The following ARHGAP24 variants were observed in gnomAD, a reference collection of about 807,000 sequenced individuals.
ARHGAP24 encodes the protein Rho GTPase activating protein 24, also known as rho GTPase-activating protein 24.
Under a neutral mutation model 76.4 loss-of-function variants are expected in ARHGAP24, and 50 were observed. That is an observed-to-expected ratio of 0.65 (90% CI 0.52 to 0.83). The LOEUF is 0.83. ARHGAP24 is among the 40% of genes least tolerant of loss of function. The pLI is 0.00. For synonymous variants in ARHGAP24, 345 were observed against 323.3 expected (o/e 1.07, Z -0.72); for missense variants, 930 against 914.2 (o/e 1.02, Z -0.22).
rs975018159 is a variant in ARHGAP24 at position 85,838,798 on chromosome 4, C to T, written c.269-84850C>T. Among the ~76,000 whole-genome samples, 20 of 151,838 alleles carry T rather than the reference C, an allele frequency of 1.3e-4. 1 individual carries two copies. The highest frequency in any genetic ancestry group is 4.4e-4 in the African/African-American group (18 of 41,316). Reference sequence around the variant, plus strand: ...ACCTTCCCTCCCCCACTAAGTCCATCCCTCCCTCCCCCAAGCTAACTTTGC... The same window carrying T: ...ACCTTCCCTCCCCCACTAAGTCCATTCCTCCCTCCCCCAAGCTAACTTTGC... On this transcript the variant is annotated intron_variant, in intron 3 of 9. Coordinates refer to ENST00000395184, the MANE Select transcript of ARHGAP24 (RefSeq NM_001025616.3).
intron 4 of ARHGAP24, among the ~76,000 whole-genome samples, chr4:85,940,263 TG>T (rs1346709086): frequency 6.6e-6 from 1 of 152,112 alleles, no homozygotes; most frequent in Non-Finnish European, 1.5e-5. Context: ...CTGCCAGTTT[TG>T]GATCAGTAGT....
intron 3 of ARHGAP24, among the ~76,000 whole-genome samples, chr4:85,783,463 C>A (rs956964336): frequency 2.0e-5 from 3 of 151,666 alleles, no homozygotes; most frequent in Non-Finnish European, 1.5e-5. Context: ...TTAGTGAGTC[C>A]TGATCACTTT....
chr4:85,896,392 A>T (rs1293253715), intron 3 of ARHGAP24, among the ~76,000 whole-genome samples: 1 of 152,186 alleles, frequency 6.6e-6, no homozygotes, highest in Non-Finnish European at 1.5e-5. Flanking sequence ...ATCCTACCAA[A>T]AAAACAATAC....
chr4:85,622,969 T>C (rs1405323908), intron 2 of ARHGAP24, among the ~76,000 whole-genome samples: 3 of 152,082 alleles, frequency 2.0e-5, no homozygotes, highest in Non-Finnish European at 4.4e-5. Context: ...GTAAATTTGT[T>C]TGAGTTCATT....
chr4:85,923,883 A>G (rs1735873813), intron 4 of ARHGAP24, 113 bp downstream of exon 4: 1 of 1,469,576 alleles, frequency 6.8e-7, no homozygotes, highest in African/African-American at 1.4e-5. Flanking sequence ...GAATGTTAAA[A>G]TAAATTGTAA....
chr4:85,498,075 C>T (rs2110097485), intron 1 of ARHGAP24, among the ~76,000 whole-genome samples: 1 of 152,226 alleles, frequency 6.6e-6, no homozygotes, highest in South Asian at 2.1e-4. Context: ...AAAATAAATG[C>T]ACAAGCTAAT....
chr4:85,701,151 A>G (rs1368115304), intron 2 of ARHGAP24, among the ~76,000 whole-genome samples: 1 of 152,032 alleles, frequency 6.6e-6, no homozygotes, highest in Non-Finnish European at 1.5e-5. Flanking sequence ...ACCACTTGCT[A>G]TTATCTCTCC....
At position 85,476,266 on chromosome 4, in the gene ARHGAP24, G is replaced by A. The variant is rs116481636; in HGVS notation, c.-21+707G>A. 2.9e-3 allele frequency among the ~76,000 whole-genome samples: 442 copies of A among 152,068 alleles called. 2 individuals are homozygous for A. Among genetic ancestry groups the A allele is most frequent in the African/African-American group, 0.01 (419 of 41,516 alleles). ...CATTTATTTTATACGTACCCAAATA[G>A]AAGGGAGACAATGTTACTCTGAATT... On this transcript the variant is annotated intron_variant, in intron 1 of 9. Coordinates refer to ENST00000395184, the MANE Select transcript of ARHGAP24 (RefSeq NM_001025616.3).
chr4:85,485,570 C>T (rs889137204), intron 1 of ARHGAP24, among the ~76,000 whole-genome samples: 2 of 150,950 alleles, frequency 1.3e-5, no homozygotes, highest in African/African-American at 4.9e-5. Context: ...GGACTCTAAT[C>T]CTACCTCTGG....
chr4:85,954,951 G>A (rs957703779), intron 5 of ARHGAP24, among the ~76,000 whole-genome samples: 1 of 152,212 alleles, frequency 6.6e-6, no homozygotes, highest in African/African-American at 2.4e-5. Context: ...CGGAGGTTGC[G>A]GTGAGCCGAG....
intron 3 of ARHGAP24, among the ~76,000 whole-genome samples, chr4:85,902,858 C>G (rs764690743): frequency 4.6e-5 from 7 of 152,242 alleles, no homozygotes; most frequent in Non-Finnish European, 8.8e-5. Context: ...CCTGCCTTGG[C>G]CTCCCAAATT....
intron 3 of ARHGAP24, among the ~76,000 whole-genome samples, chr4:85,762,979 T>C (rs1417247697): frequency 6.6e-6 from 1 of 152,216 alleles, no homozygotes; most frequent in Non-Finnish European, 1.5e-5. Flanking sequence ...ATAGCTTAAG[T>C]CTTCTTTTGG....
chr4:85,578,931 A>C (rs1382377978), intron 2 of ARHGAP24, among the ~76,000 whole-genome samples: 3 of 152,300 alleles, frequency 2.0e-5, no homozygotes, highest in Non-Finnish European at 2.9e-5. Context: ...TCAGAGCAGA[A>C]AATAACTTGT....
At chr4:85,531,849 C>T (rs888858147) in intron 1 of ARHGAP24, among the ~76,000 whole-genome samples, 2 of 151,994 alleles carry the variant, frequency 1.3e-5, no homozygotes, top group African/African-American at 2.4e-5. Context: ...ATTTCAAAGT[C>T]CATCGTCTCT....
At chr4:85,515,978 A>G (rs990911801) in intron 1 of ARHGAP24, among the ~76,000 whole-genome samples, 3 of 152,150 alleles carry the variant, frequency 2.0e-5, no homozygotes, top group Non-Finnish European at 4.4e-5. Context: ...TAATATGTGT[A>G]CAGCAGGACC....
intron 3 of ARHGAP24, among the ~76,000 whole-genome samples, chr4:85,790,263 A>T (rs1728057717): frequency 6.6e-6 from 1 of 152,172 alleles, no homozygotes; most frequent in Non-Finnish European, 1.5e-5. Flanking sequence ...TGTCTCTTGC[A>T]TCCCATGTAG....
chr4:85,731,854 C>G (rs549253894), intron 3 of ARHGAP24, among the ~76,000 whole-genome samples: 1 of 151,972 alleles, frequency 6.6e-6, no homozygotes, highest in Non-Finnish European at 1.5e-5. Context: ...CACTAAGTAC[C>G]CCATAAATAT....
At chr4:85,521,949 A>C (rs527245708) in intron 1 of ARHGAP24, among the ~76,000 whole-genome samples, 44 of 152,168 alleles carry the variant, frequency 2.9e-4, no homozygotes, top group Admixed American at 7.2e-4. Flanking sequence ...CAAATTATTA[A>C]GATCTCATTC....
chr4:85,931,282 G>C (rs1488619562), intron 4 of ARHGAP24, among the ~76,000 whole-genome samples: 1 of 151,972 alleles, frequency 6.6e-6, no homozygotes, highest in Non-Finnish European at 1.5e-5. Context: ...TGATCCTATG[G>C]GGATCACCTT....
Sources: gnomAD v4.1 joint callset for allele counts (sites outside exome capture counted in the v4.1 genomes callset) on GRCh38, gnomAD v4.1.1 for gene constraint, MANE v1.5 for transcripts, NCBI Gene and HGNC (gene_info 2026-07-23, HGNC 2026-07-21) for gene names.